COL13A1: variants seen among roughly 807,000 people sequenced by gnomAD.
COL13A1 encodes the protein collagen alpha-1(XIII) chain.
COL13A1 carries 89 observed loss-of-function variants against 130.9 expected under a neutral mutation model. The ratio of observed to expected loss-of-function variants is 0.68; its 90% CI spans 0.57 to 0.81. The LOEUF is 0.81. COL13A1 is among the 30% of genes least tolerant of loss of function. The pLI, the probability that COL13A1 is intolerant of heterozygous loss-of-function variation, is 0.00. For missense variants in COL13A1, 879 were observed against 934.6 expected (o/e 0.94, Z 0.78); for synonymous variants, 402 against 341.6 (o/e 1.18, Z -1.95).
At chr10:69,846,748 G>A (rs970607522) in intron 2 of COL13A1, among the ~76,000 whole-genome samples, 1 of 152,202 alleles carries the variant, frequency 6.6e-6, no homozygotes, top group Admixed American at 6.5e-5. Context: ...GATCCTCAGA[G>A]GGGAGCACCG....
At position 69,893,013 on chromosome 10, in the gene COL13A1, G is replaced by A. The variant is rs754656156; in HGVS notation, c.604-1539G>A. 3.9e-5 allele frequency among the ~76,000 whole-genome samples: 6 copies of A among 152,122 alleles called. No homozygotes were observed. In the East Asian group the frequency reaches 5.8e-4, roughly 15 times the overall value. On this transcript the variant is annotated intron_variant, in intron 10 of 40. Transcript: ENST00000645393. ...ACCTGGTCACCTGTGGTCTGGGCCC[G>A]GGTTCCCTGCCGGATGAATCATGTG...
At chr10:69,901,994 C>T (rs1012936927) in intron 14 of COL13A1, among the ~76,000 whole-genome samples, 27 of 152,272 alleles carry the variant, frequency 1.8e-4, no homozygotes, top group African/African-American at 5.8e-4. Flanking sequence ...CCTCCCAGGC[C>T]AGGCAGATCA....
At position 69,880,927 on chromosome 10, in the gene COL13A1, A is replaced by G. The variant is rs111888521; in HGVS notation, c.513+374A>G. On this transcript the variant is annotated intron_variant, in intron 7 of 40. Coordinates refer to ENST00000645393, the MANE Select transcript of COL13A1 (RefSeq NM_001368882.1). ...CTTTGTTTCTGGAAGCCCATGGAGC[A>G]GATACGAGTCCGGGTTCACTGACCC... Among the ~76,000 whole-genome samples the G allele has an allele frequency of 4.3e-3, 652 of 152,312 alleles. 3 individuals are homozygous for G. The highest frequency in any genetic ancestry group is 7.8e-3 in the Admixed American group (120 of 15,306).
chr10:69,923,718 T>C, intron 23 of COL13A1, 84 bp from the exon 24 acceptor site: 1 of 1,526,092 alleles, frequency 6.6e-7, no homozygotes. Context: ...CATCTAGGCA[T>C]GAGCGGCAAG....
chr10:69,870,956 A>C (rs1589198237), intron 3 of COL13A1, among the ~76,000 whole-genome samples: 1 of 152,078 alleles, frequency 6.6e-6, no homozygotes, highest in Non-Finnish European at 1.5e-5. Flanking sequence ...AGTTTCCCTC[A>C]TGTGTCCTCG....
rs138326832 is a variant in COL13A1, at chr10:69,866,499, C to T, written c.365-1299C>T. On this transcript the variant is annotated intron_variant, in intron 2 of 40. Coordinates refer to ENST00000645393, the MANE Select transcript of COL13A1 (RefSeq NM_001368882.1). Reference sequence around the variant, plus strand: ...CTAAGCTGGCCCCTCTGGCAGGCTGCGCTCAGGGGATATTTTCAGATTCTG... The same window carrying T: ...CTAAGCTGGCCCCTCTGGCAGGCTGTGCTCAGGGGATATTTTCAGATTCTG... Among the ~76,000 whole-genome samples the T allele has an allele frequency of 1.3e-4, 20 of 152,326 alleles. No individual in the cohort carries two copies. In the East Asian group the frequency reaches 1.9e-3, roughly 15 times the overall value.
intron 2 of COL13A1, among the ~76,000 whole-genome samples, chr10:69,823,900 T>A (rs944357385): frequency 7.9e-5 from 12 of 152,102 alleles, no homozygotes; most frequent in Non-Finnish European, 2.9e-5. Context: ...GGTTGGGTGA[T>A]GGGGCCTGGG....
chr10:69,870,488 A>T (rs201690153), intron 3 of COL13A1, among the ~76,000 whole-genome samples: 3 of 141,854 alleles, frequency 2.1e-5, no homozygotes, highest in Non-Finnish European at 4.6e-5. Flanking sequence ...AATTTTTTTA[A>T]TTTTTTTTTT....
chr10:69,949,222 C>T (rs1237531748), intron 38 of COL13A1, among the ~76,000 whole-genome samples: 4 of 152,184 alleles, frequency 2.6e-5, no homozygotes, highest in Non-Finnish European at 5.9e-5. Context: ...CTTGCTCTGT[C>T]GCCAGGCTGG....
intron 36 of COL13A1, among the ~76,000 whole-genome samples, chr10:69,944,473 T>A (rs2068148036): frequency 6.6e-6 from 1 of 151,980 alleles, no homozygotes; most frequent in Non-Finnish European, 1.5e-5. Context: ...CTGGACAACA[T>A]AGCGCAACCC....
chr10:69,824,286 G>C (rs907308573), intron 2 of COL13A1, among the ~76,000 whole-genome samples: 1 of 152,212 alleles, frequency 6.6e-6, no homozygotes, highest in African/African-American at 2.4e-5. Context: ...CAAAGATGCA[G>C]AGAAATCCTT....
intron 22 of COL13A1, 137 bp from the exon 23 acceptor site, chr10:69,922,571 C>G (rs1589537437): frequency 3.7e-6 from 2 of 544,656 alleles, no homozygotes; most frequent in Admixed American, 3.6e-5. Context: ...AATCCCACAG[C>G]TGGATCAGAT....
Position 69,867,807 on chromosome 10 carries a change from T to TAAG in COL13A1, c.372+3_372+5dup. 1.4e-6 allele frequency: 1 copy of TAAG among 718,386 alleles called. No individual in the cohort carries two copies. The highest frequency in any genetic ancestry group is 2.6e-6 in the Non-Finnish European group (1 of 385,000). The allele number at this position is 718,386 out of a possible 1,614,324, so 44.5% of individuals were successfully genotyped here. A position where few individuals can be genotyped will look rare whatever the true frequency, so the allele number is the denominator to read the frequency against. On this transcript the variant is annotated splice_region_variant and intron_variant, in intron 3 of 40. Transcript: ENST00000645393. ...TCTCTCTCTCTTTCAGGACCTCCTG[T>TAAG]AAGTACTCAAGCCGAGGGTCTCGTG... is the stretch of plus-strand genomic sequence containing the variant.
At chr10:69,925,515 G>A (rs1442628342) in intron 25 of COL13A1, among the ~76,000 whole-genome samples, 2 of 152,212 alleles carry the variant, frequency 1.3e-5, no homozygotes, top group African/African-American at 4.8e-5. Context: ...GAGGCAGGAG[G>A]GGAAGAGCAT....
intron 2 of COL13A1, among the ~76,000 whole-genome samples, chr10:69,856,291 G>T (rs999462788): frequency 1.3e-5 from 2 of 152,194 alleles, no homozygotes; most frequent in Admixed American, 1.3e-4. Context: ...CAGCTGAGGG[G>T]TATCCAGTCC....
intron 17 of COL13A1, among the ~76,000 whole-genome samples, chr10:69,913,911 T>A (rs2063648485): frequency 6.6e-6 from 1 of 151,684 alleles, no homozygotes. Context: ...GAAGCCCGGG[T>A]CACTTGCGAA....
intron 40 of COL13A1, among the ~76,000 whole-genome samples, chr10:69,957,286 C>T (rs758131064): frequency 1.1e-4 from 17 of 152,222 alleles, no homozygotes; most frequent in Non-Finnish European, 2.1e-4. Context: ...CAGGTGACAT[C>T]TTTATGCTTT....
At chr10:69,952,150 A>G (rs2069668546) in intron 38 of COL13A1, among the ~76,000 whole-genome samples, 1 of 152,260 alleles carries the variant, frequency 6.6e-6, no homozygotes, top group Admixed American at 6.5e-5. Flanking sequence ...AGGATGAACC[A>G]GAGACACAGA....
chr10:69,926,301 A>C (rs1354250699), intron 26 of COL13A1, among the ~76,000 whole-genome samples: 1 of 152,142 alleles, frequency 6.6e-6, no homozygotes, highest in Non-Finnish European at 1.5e-5. Flanking sequence ...CAAGTTCATG[A>C]GCTCCCGCTC....
Sources: allele counts gnomAD v4.1 joint callset (sites outside exome capture counted in the v4.1 genomes callset), GRCh38; gene constraint gnomAD v4.1.1; transcripts MANE v1.5; gene names NCBI Gene and HGNC (gene_info 2026-07-23, HGNC 2026-07-21).